Variants in TRPM6 observed in about 807,000 individuals in gnomAD.
TRPM6 encodes the protein transient receptor potential cation channel subfamily M member 6, also known as channel kinase 2.
TRPM6 carries 111 observed loss-of-function variants against 247.6 expected under a neutral mutation model. The observed-to-expected ratio is 0.45, with a 90% CI of 0.38 to 0.52. The LOEUF is 0.52. TRPM6 is among the 20% of genes least tolerant of loss of function. The probability of loss-of-function intolerance (pLI) is 0.00; values close to 1 mark genes in which losing one functional copy is unlikely to be tolerated. For missense variants in TRPM6, 2,126 were observed against 2,421.5 expected (o/e 0.88, Z 2.56); for synonymous variants, 892 against 853.8 (o/e 1.04, Z -0.78).
intron 24 of TRPM6, among the ~76,000 whole-genome samples, chr9:74,774,566 G>A (rs994036115): frequency 7.9e-5 from 12 of 152,116 alleles, no homozygotes; most frequent in Admixed American, 4.6e-4. Flanking sequence ...ATATCACCCT[G>A]TCAACCCCAT....
chr9:74,792,004 G>T (rs1293693604), intron 19 of TRPM6, among the ~76,000 whole-genome samples: 1 of 152,094 alleles, frequency 6.6e-6, no homozygotes, highest in African/African-American at 2.4e-5. Flanking sequence ...TGATCTGCCC[G>T]CCTCGGCCTC....
chr9:74,879,351 A>C (rs923298762), intron 1 of TRPM6, among the ~76,000 whole-genome samples: 14 of 150,680 alleles, frequency 9.3e-5, no homozygotes, highest in Admixed American at 5.3e-4. Context: ...ACATATATAT[A>C]TAACAAGGAA....
rs945621766 is a variant in TRPM6 at position 74,837,738 on chromosome 9, G to A, written c.544+2286C>T. 7.4e-4 allele frequency among the ~76,000 whole-genome samples: 102 copies of A among 137,344 alleles called. 1 individual carries two copies. Among genetic ancestry groups the A allele is most frequent in the Non-Finnish European group, 3.8e-4 (25 of 65,242 alleles). 90.1% of individuals were successfully genotyped at this position (137,344 alleles called of 152,430 possible). A position where few individuals can be genotyped will look rare whatever the true frequency, so the allele number is the denominator to read the frequency against. ...TGGGATTACAGGTGTGAGCCACCAC[G>A]CCCGGCCCCCTTTTTTTTTTTTTTT... On this transcript the variant is annotated intron_variant, in intron 5 of 38. Coordinates refer to ENST00000360774, the MANE Select transcript of TRPM6 (RefSeq NM_017662.5).
intron 5 of TRPM6, among the ~76,000 whole-genome samples, chr9:74,836,822 C>T (rs1829739618): frequency 6.6e-6 from 1 of 152,218 alleles, no homozygotes; most frequent in South Asian, 2.1e-4. Flanking sequence ...TCACCTCTAG[C>T]TGTGTGCCTA....
In TRPM6 at chr9:74,785,922, A is replaced by G. The variant is rs771994079; in HGVS notation, c.2871T>C (p.Phe957=). 1.9e-6 allele frequency: 3 copies of G among 1,614,222 alleles called. No individual in the cohort carries two copies. The highest frequency in any genetic ancestry group is 1.3e-5 in the African/African-American group (1 of 75,060). The change falls in exon 21 of 39, where the codon TTT becomes TTC. Residue 957 remains phenylalanine (F), a synonymous_variant. Transcript: ENST00000360774. ...ATGGACCTGCATGTTGATTCACAGC[A>G]AAGAAGTCCAGGAGCCGTGAGAACC... ...IFWFSRLLDF[F]AVNQHAGPYV...
At position 74,842,177 on chromosome 9, in the gene TRPM6, G is replaced by A. The variant is rs1370007257; in HGVS notation, c.319C>T (p.His107Tyr). Residue 107 changes from histidine (H) to tyrosine (Y), a missense_variant, in exon 4 of 39, where the codon CAT becomes TAT. His to Tyr is a moderately conservative substitution (Grantham distance 83). Around this residue, in one of 3 missense-constraint regions of TRPM6, gnomAD observed 1,082 missense variants for 1,307.9 expected, o/e 0.83. Coordinates refer to ENST00000360774, the MANE Select transcript of TRPM6 (RefSeq NM_017662.5). ...TINFQDGEHT[H>Y]HAKYIRTSYD... is the part of the protein sequence containing the mutation. ...GGTTATTAGCAAACCTTGGCATGAT[G>A]GGTGTGCTCTCCATCTTGGAAATTA... The A allele has an allele frequency of 6.2e-7, 1 of 1,613,552 alleles. No individual in the cohort carries two copies. The highest frequency in any genetic ancestry group is 8.5e-7 in the Non-Finnish European group (1 of 1,179,912).
intron 25 of TRPM6, among the ~76,000 whole-genome samples, chr9:74,768,553 C>T (rs1157833967): frequency 6.6e-6 from 1 of 152,214 alleles, no homozygotes; most frequent in Non-Finnish European, 1.5e-5. Flanking sequence ...TTCTTTATTT[C>T]GGTGGTGCCA....
chr9:74,839,892 A>AGGAGGGAG (rs1224406992), intron 5 of TRPM6, 132 bp downstream of exon 5: 32 of 210,762 alleles, frequency 1.5e-4, no homozygotes, highest in African/African-American at 5.1e-4. Context: ...GAAGGAAGGA[A>AGGAGGGAG]GGAGGGAGGG....
At position 74,742,573 on chromosome 9, in the gene TRPM6, C is replaced by A. The variant is rs751660942; in HGVS notation, c.5188G>T (p.Val1730Phe). 6.2e-7 allele frequency: 1 copy of A among 1,613,778 alleles called. No homozygotes were observed. Among genetic ancestry groups the A allele is most frequent in the Non-Finnish European group, 8.5e-7 (1 of 1,179,894 alleles). ...RLSQTIPFTP[V>F]QLFAGEEITV... ...AAATGCTACTCACCAAACAGTTGGA[C>A]TGGTGTAAATGGTATGGTCTGAGAA... The change falls in exon 33 of 39, where the codon GTC becomes TTC. Residue 1730 changes from valine to phenylalanine, a missense_variant. Physicochemically the swap from Val to Phe is conservative, Grantham distance 50. Transcript: ENST00000360774.
chr9:74,732,560 C>T (rs1347268935), intron 37 of TRPM6, 125 bp downstream of exon 37: 5 of 689,838 alleles, frequency 7.2e-6, no homozygotes, highest in Non-Finnish European at 1.3e-5. Context: ...GGTCTATATA[C>T]ATAAGCTACC....
At chr9:74,767,706 C>T (rs1328113864) in intron 25 of TRPM6, among the ~76,000 whole-genome samples, 5 of 152,086 alleles carry the variant, frequency 3.3e-5, no homozygotes, top group South Asian at 2.1e-4. Context: ...CGGTAACTCA[C>T]GCCTGTAATC....
intron 1 of TRPM6, among the ~76,000 whole-genome samples, chr9:74,860,314 CA>C (rs1369220239): frequency 2.0e-5 from 3 of 151,974 alleles, no homozygotes; most frequent in Non-Finnish European, 2.9e-5. Context: ...CCCAGTCATA[CA>C]ATGTAATTAT....
chr9:74,834,410 T>C (rs886978623), intron 5 of TRPM6, among the ~76,000 whole-genome samples: 1 of 152,144 alleles, frequency 6.6e-6, no homozygotes, highest in African/African-American at 2.4e-5. Flanking sequence ...AGCAAAATGC[T>C]GTGCACTGTC....
intron 3 of TRPM6, among the ~76,000 whole-genome samples, chr9:74,854,795 C>G (rs1409111132): frequency 1.3e-5 from 2 of 152,308 alleles, no homozygotes; most frequent in African/African-American, 4.8e-5. Flanking sequence ...TTCCAAGTAG[C>G]TGAGTATACA....
At position 74,728,304 on chromosome 9, in the gene TRPM6, T is replaced by C; in HGVS notation, c.5870A>G (p.Asp1957Gly). 1 of 1,614,114 alleles carries C rather than the reference T, an allele frequency of 6.2e-7. No homozygotes were observed. The highest frequency in any genetic ancestry group is 8.5e-7 in the Non-Finnish European group (1 of 1,179,988). ...TTTTGCAATGAAGTTTCTAATTGCA[T>C]CTTCCCCCAAATTGGCCGGTCCAAA... ...MVFGPANLGEDAIRNFIAKHH... is the reference protein window; with the variant it reads ...MVFGPANLGEGAIRNFIAKHH... The change falls in exon 38 of 39, where the codon GAT becomes GGT. Residue 1957 changes from aspartate to glycine, a missense_variant. Physicochemically the swap from Asp to Gly is moderately conservative, Grantham distance 94. Transcript: ENST00000360774.
chr9:74,777,244 C>G (rs534059482), intron 23 of TRPM6, among the ~76,000 whole-genome samples: 47 of 152,264 alleles, frequency 3.1e-4, no homozygotes, highest in African/African-American at 1.1e-3. Context: ...CAACAGCCTT[C>G]CACCAGCAGG....
chr9:74,791,782 G>A (rs1430319778), intron 19 of TRPM6, among the ~76,000 whole-genome samples: 1 of 152,080 alleles, frequency 6.6e-6, no homozygotes, highest in Non-Finnish European at 1.5e-5. Flanking sequence ...TTGAGATGGG[G>A]TCTCGCTCTG....
intron 14 of TRPM6, chr9:74,804,569 G>C (rs1167957024): frequency 2.7e-6 from 2 of 744,622 alleles, no homozygotes; most frequent in African/African-American, 3.4e-5. Context: ...AGGAATTTCA[G>C]GGTGAATGGA....
At position 74,762,606 on chromosome 9, in the gene TRPM6, A is replaced by C; in HGVS notation, c.4065T>G (p.Pro1355=). Residue 1355 remains proline (P), a synonymous_variant, in exon 26 of 39, where the codon CCT becomes CCG. Transcript: ENST00000360774. ...LLVPSNLKRV[P]FSAETVLPLS... is the part of the protein sequence containing the mutation. The stretch of plus-strand genomic sequence containing the variant: ...GAGGCAAGACAGTTTCTGCTGAAAA[A>C]GGAACTCGCTTTAGATTAGAGGGGA... 6.2e-7 allele frequency: 1 copy of C among 1,614,208 alleles called. No homozygotes were observed. The highest frequency in any genetic ancestry group is 8.5e-7 in the Non-Finnish European group (1 of 1,180,040).
Sources: allele counts gnomAD v4.1 joint callset (sites outside exome capture counted in the v4.1 genomes callset), GRCh38; gene constraint gnomAD v4.1.1; regional missense constraint gnomAD v4.1.1; transcripts MANE v1.5; gene names NCBI Gene and HGNC (gene_info 2026-07-23, HGNC 2026-07-21).